The following ITGB8 variants were observed in gnomAD, a reference collection of about 807,000 sequenced individuals.
ITGB8 encodes the protein integrin beta-8.
ITGB8 carries 30 observed loss-of-function variants against 89.5 expected under a neutral mutation model. That is an observed-to-expected ratio of 0.34 (90% CI 0.25 to 0.45). The LOEUF is 0.45. ITGB8 is among the 20% of genes least tolerant of loss of function. ITGB8 has a pLI of 1.00. For synonymous variants in ITGB8, 335 were observed against 320.4 expected (o/e 1.05, Z -0.49); for missense variants, 836 against 933.3 (o/e 0.90, Z 1.36).
intron 1 of ITGB8, among the ~76,000 whole-genome samples, chr7:20,354,484 G>GAAAACAGGACGAAGTAA (rs1312857545): frequency 2.6e-5 from 4 of 152,142 alleles, no homozygotes; most frequent in Non-Finnish European, 5.9e-5. Flanking sequence ...GAGGGTCTTT[G>GAAAACAGGACGAAGTAA]AAAACAGGAC....
chr7:20,401,886 G>T lies in ITGB8; in HGVS notation c.1447G>T (p.Asp483Tyr). The T allele has an allele frequency of 6.2e-7, 1 of 1,614,090 alleles. No individual in the cohort carries two copies. Among genetic ancestry groups the T allele is most frequent in the Non-Finnish European group, 8.5e-7 (1 of 1,179,972 alleles). ...CAGAGGACCTAAAGGAAAGTGTGTA[G>T]ATGAAACTTTTCTAGATTCCAAGTG... ...DNRGPKGKCV[D>Y]ETFLDSKCFQ... Residue 483 changes from aspartate to tyrosine, a missense_variant, in exon 10 of 14, where the codon GAT becomes TAT. Asp to Tyr is a radical substitution (Grantham distance 160). Around this residue, in one of 5 missense-constraint regions of ITGB8, gnomAD observed 422 missense variants for 416.9 expected, o/e 1.01. Coordinates refer to ENST00000222573, the MANE Select transcript of ITGB8 (RefSeq NM_002214.3).
chr7:20,341,942 G>C (rs925225229), intron 1 of ITGB8, among the ~76,000 whole-genome samples: 1 of 151,904 alleles, frequency 6.6e-6, no homozygotes. Flanking sequence ...TGGTGGGGTA[G>C]AAAAGTTGGG....
chr7:20,400,431 T>C lies in ITGB8; in HGVS notation c.1282-1290T>C, dbSNP rs141923561. Among the ~76,000 whole-genome samples, 115 of 152,334 alleles carry C rather than the reference T, an allele frequency of 7.5e-4. 2 individuals carry two copies. In the East Asian group the frequency reaches 0.012, roughly 16 times the overall value. On this transcript the variant is annotated intron_variant, in intron 9 of 13. Coordinates refer to ENST00000222573, the MANE Select transcript of ITGB8 (RefSeq NM_002214.3). ...CATTTTAAGCATAACACCAACTGTA[T>C]TGATTTTAATATTATGGAACAAATT...
Position 20,413,419 on chromosome 7 carries a change from C to T in ITGB8, c.*3422C>T, listed in dbSNP as rs931318324. 2.0e-5 allele frequency: 3 copies of T among 152,474 alleles called. No individual in the cohort carries two copies. Among genetic ancestry groups the T allele is most frequent in the Non-Finnish European group, 4.4e-5 (3 of 67,950 alleles). The allele number at this position is 152,474 out of a possible 1,614,324, so 9.4% of individuals were successfully genotyped here. On this transcript the variant is annotated 3_prime_UTR_variant, in exon 14 of 14. Coordinates refer to ENST00000222573, the MANE Select transcript of ITGB8 (RefSeq NM_002214.3). Reference sequence around the variant, plus strand: ...TTTATGCAAGACAAGAGTCAGCCATCAGACACTGAAATATATTATGATAGA... The same window carrying T: ...TTTATGCAAGACAAGAGTCAGCCATTAGACACTGAAATATATTATGATAGA...
intron 3 of ITGB8, among the ~76,000 whole-genome samples, chr7:20,378,159 TA>T (rs374229976): frequency 8.3e-4 from 127 of 152,338 alleles, no homozygotes; most frequent in African/African-American, 2.9e-3. Context: ...TATAGAGGGT[TA>T]GGGGGGACAA....
chr7:20,404,764 G>A lies in ITGB8; in HGVS notation c.1824G>A (p.Val608=). 1.2e-6 allele frequency: 2 copies of A among 1,614,202 alleles called. No individual in the cohort carries two copies. The highest frequency in any genetic ancestry group is 1.7e-6 in the Non-Finnish European group (2 of 1,180,034). ...TGTGCAGTGGAAGAGGCACGTGTGT[G>A]TGTGGAAGGTGTGAGTGCACCGATC... ...GQVCSGRGTC[V]CGRCECTDPR... The change falls in exon 11 of 14, where the codon GTG becomes GTA. Residue 608 remains valine, a synonymous_variant. Transcript: ENST00000222573.
chr7:20,331,396 T>G lies in ITGB8; in HGVS notation c.-411T>G. On this transcript the variant is annotated 5_prime_UTR_variant, in exon 1 of 14. Coordinates refer to ENST00000222573, the MANE Select transcript of ITGB8 (RefSeq NM_002214.3). ...TTTCCCCCCCAGCTTCGGGCTTTGT[T>G]TGGGTTTGATTGTGTTTGGCTCTTC... 2 of 395,282 alleles carry G rather than the reference T, an allele frequency of 5.1e-6. No homozygotes were observed. Among genetic ancestry groups the G allele is most frequent in the Non-Finnish European group, 8.9e-6 (2 of 224,896 alleles). The allele number at this position is 395,282 out of a possible 1,614,324, so 24.5% of individuals were successfully genotyped here.
intron 6 of ITGB8, among the ~76,000 whole-genome samples, chr7:20,382,736 G>T (rs1449614530): frequency 6.6e-6 from 1 of 152,070 alleles, no homozygotes; most frequent in Non-Finnish European, 1.5e-5. Flanking sequence ...TAACAACTTA[G>T]TATCTCCTTA....
In ITGB8 at chr7:20,381,809, A is replaced by G; in HGVS notation, c.884A>G (p.Lys295Arg). Residue 295 changes from lysine to arginine, a missense_variant, in exon 6 of 14, where the codon AAA becomes AGA. By Grantham distance (26) the Lys-to-Arg change is conservative (BLOSUM62 2). This residue lies in a region of ITGB8 where 192 missense variants were observed against 267.1 expected (regional missense o/e 0.72). Transcript: ENST00000222573. ...ACGTCTCATCTCGCTCTTGATAGCA[A>G]ATTGGCAGGCATAGTGGTGCCCAAT... Reference protein sequence around the residue: ...DQTSHLALDSKLAGIVVPNDG... With the variant: ...DQTSHLALDSRLAGIVVPNDG... The G allele has an allele frequency of 1.2e-6, 2 of 1,614,158 alleles. No homozygotes were observed. The highest frequency in any genetic ancestry group is 1.7e-6 in the Non-Finnish European group (2 of 1,179,980).
intron 12 of ITGB8, among the ~76,000 whole-genome samples, chr7:20,408,085 G>A (rs1389517835): frequency 2.0e-5 from 3 of 152,164 alleles, no homozygotes; most frequent in Non-Finnish European, 2.9e-5. Context: ...CCCACCAGGC[G>A]AGAAGCCAGT....
chr7:20,367,533 G>A (rs1296554497), intron 3 of ITGB8, among the ~76,000 whole-genome samples: 1 of 152,160 alleles, frequency 6.6e-6, no homozygotes, highest in Non-Finnish European at 1.5e-5. Flanking sequence ...GCACTAGCAT[G>A]TAGTAAGTAC....
At chr7:20,362,235 GA>G (rs1261935772) in intron 1 of ITGB8, among the ~76,000 whole-genome samples, 1 of 152,058 alleles carries the variant, frequency 6.6e-6, no homozygotes, top group African/African-American at 2.4e-5. Flanking sequence ...AAAGTTGAGA[GA>G]GAAAGAAAAA....
At chr7:20,341,684 G>A (rs936205458) in intron 1 of ITGB8, among the ~76,000 whole-genome samples, 1 of 152,140 alleles carries the variant, frequency 6.6e-6, no homozygotes, top group African/African-American at 2.4e-5. Context: ...GCTGGAGATT[G>A]GGCCCACCCA....
At position 20,379,285 on chromosome 7, in the gene ITGB8, A is replaced by C; in HGVS notation, c.623A>C (p.His208Pro). The C allele has an allele frequency of 6.3e-7, 1 of 1,596,968 alleles. No individual in the cohort carries two copies. The highest frequency in any genetic ancestry group is 8.5e-7 in the Non-Finnish European group (1 of 1,171,070). The part of the protein sequence containing the change: ...PYISIHPERI[H>P]NQCSDYNLDC... The stretch of plus-strand genomic sequence containing the variant: ...ATTAGCATCCACCCCGAAAGGATTC[A>C]TAATCAATGCAGGTATCTAGGGTTT... The change falls in exon 4 of 14, where the codon CAT becomes CCT. Residue 208 changes from histidine (H) to proline (P), a missense_variant. Coordinates refer to ENST00000222573, the MANE Select transcript of ITGB8 (RefSeq NM_002214.3).
intron 1 of ITGB8, among the ~76,000 whole-genome samples, chr7:20,351,597 A>G (rs1441790863): frequency 6.6e-6 from 1 of 152,248 alleles, no homozygotes; most frequent in East Asian, 1.9e-4. Context: ...TGCAGAGTCA[A>G]AAGATATTAA....
chr7:20,332,505 A>C (rs1031670523), intron 1 of ITGB8, among the ~76,000 whole-genome samples: 4 of 152,024 alleles, frequency 2.6e-5, no homozygotes, highest in African/African-American at 7.2e-5. Context: ...AAAAAAAAAA[A>C]TACTATCTAA....
In ITGB8 at chr7:20,367,568, T is replaced by C. The variant is rs113276320; in HGVS notation, c.388+382T>C. ...CTCTGTAAGTATTTGTTAGCTTGAT[T>C]GATCCTTTTTGGAAGGGATCTTCCA... On this transcript the variant is annotated intron_variant, in intron 3 of 13. Transcript: ENST00000222573. 7.0e-3 allele frequency among the ~76,000 whole-genome samples: 1,062 copies of C among 152,318 alleles called. 19 individuals carry two copies. The highest frequency in any genetic ancestry group is 0.024 in the African/African-American group (993 of 41,560).
intron 1 of ITGB8, among the ~76,000 whole-genome samples, chr7:20,362,635 T>C (rs17455862): frequency 0.25 from 38,022 of 152,110 alleles, 5,213 homozygotes; most frequent in Non-Finnish European, 0.29. Flanking sequence ...TCTTCTCTTC[T>C]TGTCTGTGAT....
At chr7:20,335,960 G>A (rs1241153793) in intron 1 of ITGB8, among the ~76,000 whole-genome samples, 1 of 149,932 alleles carries the variant, frequency 6.7e-6, no homozygotes, top group African/African-American at 2.5e-5. Flanking sequence ...AGTGGCTCAG[G>A]ACCCACTCCT....
Sources: allele counts gnomAD v4.1 joint callset (sites outside exome capture counted in the v4.1 genomes callset), GRCh38; gene constraint gnomAD v4.1.1; regional missense constraint gnomAD v4.1.1; transcripts MANE v1.5; gene names NCBI Gene and HGNC (gene_info 2026-07-23, HGNC 2026-07-21).